Variants in ERC2 observed in about 807,000 individuals in gnomAD.
ERC2 encodes the protein ELKS/RAB6-interacting/CAST family member 2, also known as ERC protein 2.
Under a neutral mutation model 114.8 loss-of-function variants are expected in ERC2, and 42 were observed. The observed-to-expected ratio is 0.37, with a 90% CI of 0.29 to 0.47. ERC2 has a LOEUF of 0.47. Ranked by LOEUF, ERC2 falls within the 20% of genes least tolerant of loss-of-function variation. The probability of loss-of-function intolerance (pLI) is 0.99; values close to 1 mark genes in which losing one functional copy is unlikely to be tolerated. For missense variants in ERC2, 939 were observed against 1,150.7 expected, an observed-to-expected ratio of 0.82 and a Z score of 2.66; for synonymous variants, 454 against 425.5, an observed-to-expected ratio of 1.07 and a Z score of -0.82.
chr3:56,140,625 T>C (rs972080166), intron 5 of ERC2, among the ~76,000 whole-genome samples: 10 of 152,240 alleles, frequency 6.6e-5, no homozygotes, highest in African/African-American at 2.2e-4. Flanking sequence ...TAAAAAATGC[T>C]ATTCTGAACA....
intron 13 of ERC2, among the ~76,000 whole-genome samples, chr3:55,908,371 T>C (rs993670580): frequency 2.0e-5 from 3 of 152,000 alleles, no homozygotes; most frequent in Non-Finnish European, 4.4e-5. Context: ...CAAGCAGGGT[T>C]GGTGGAAAGA....
intron 15 of ERC2, among the ~76,000 whole-genome samples, chr3:55,711,439 A>G (rs2063773014): frequency 6.6e-6 from 1 of 152,196 alleles, no homozygotes; most frequent in Non-Finnish European, 1.5e-5. Flanking sequence ...ACAGACACAC[A>G]TACTTACCCT....
chr3:56,229,250 T>C (rs953991144), intron 3 of ERC2, among the ~76,000 whole-genome samples: 1 of 152,188 alleles, frequency 6.6e-6, no homozygotes, highest in Non-Finnish European at 1.5e-5. Flanking sequence ...TTATCAACAG[T>C]TCCCCCATGG....
At chr3:56,032,929 AAG>A (rs1491294892) in intron 7 of ERC2, among the ~76,000 whole-genome samples, 28 of 93,260 alleles carry the variant, frequency 3.0e-4, no homozygotes, top group Non-Finnish European at 4.7e-4. Flanking sequence ...GAAAGAAAGA[AAG>A]AAAGAAAGAA....
intron 14 of ERC2, among the ~76,000 whole-genome samples, chr3:55,851,559 T>C (rs1455584446): frequency 6.6e-6 from 1 of 152,210 alleles, no homozygotes; most frequent in Non-Finnish European, 1.5e-5. Context: ...CCCATTATCA[T>C]TATGTGAGGC....
At chr3:56,053,435 T>C (rs1160893492) in intron 7 of ERC2, among the ~76,000 whole-genome samples, 1 of 152,134 alleles carries the variant, frequency 6.6e-6, no homozygotes, top group Non-Finnish European at 1.5e-5. Context: ...TATTTACATC[T>C]CAAAGGACAG....
intron 3 of ERC2, among the ~76,000 whole-genome samples, chr3:56,275,299 A>G (rs952376366): frequency 9.2e-5 from 14 of 152,216 alleles, no homozygotes; most frequent in African/African-American, 3.1e-4. Flanking sequence ...CATCACCACT[A>G]GCACCAGTGA....
intron 3 of ERC2, among the ~76,000 whole-genome samples, chr3:56,268,337 G>A (rs76871669): frequency 0.011 from 1,628 of 152,174 alleles, 26 homozygotes; most frequent in African/African-American, 0.037. Flanking sequence ...CAATGTTCAC[G>A]CAATGTCAAA....
intron 1 of ERC2, among the ~76,000 whole-genome samples, chr3:56,436,417 A>G (rs568660410): frequency 6.6e-6 from 1 of 152,334 alleles, no homozygotes; most frequent in Non-Finnish European, 1.5e-5. Context: ...CAATGAGATA[A>G]GTACATTAAT....
At chr3:56,264,276 C>T (rs1215653034) in intron 3 of ERC2, among the ~76,000 whole-genome samples, 3 of 152,110 alleles carry the variant, frequency 2.0e-5, no homozygotes, top group Non-Finnish European at 4.4e-5. Flanking sequence ...CCACATCTAT[C>T]AACGTAATAT....
chr3:55,597,034 A>T (rs1438900679), intron 17 of ERC2, among the ~76,000 whole-genome samples: 5 of 152,294 alleles, frequency 3.3e-5, no homozygotes, highest in Non-Finnish European at 5.9e-5. Context: ...AAATATTTAT[A>T]AAAAAATTGA....
At chr3:56,204,475 G>GATTTTATTTTATTTT (rs2048589192) in intron 3 of ERC2, among the ~76,000 whole-genome samples, 1 of 33,692 alleles carries the variant, frequency 3.0e-5, no homozygotes, top group Non-Finnish European at 8.1e-5. Context: ...TTAATTAGAT[G>GATTTTATTTTATTTT]CTTTTATTTT....
At chr3:56,326,523 T>C (rs1393205430) in intron 2 of ERC2, among the ~76,000 whole-genome samples, 1 of 152,324 alleles carries the variant, frequency 6.6e-6, no homozygotes, top group East Asian at 1.9e-4. Flanking sequence ...TCTAAAGCTG[T>C]TCTCCAGAAC....
chr3:56,382,457 T>A (rs568397599), intron 2 of ERC2, among the ~76,000 whole-genome samples: 1 of 152,114 alleles, frequency 6.6e-6, no homozygotes, highest in East Asian at 1.9e-4. Flanking sequence ...AGAATCAAAC[T>A]TTCCCCCCAC....
At chr3:55,877,708 T>A (rs2062928059) in intron 14 of ERC2, among the ~76,000 whole-genome samples, 2 of 152,004 alleles carry the variant, frequency 1.3e-5, no homozygotes, top group African/African-American at 4.8e-5. Flanking sequence ...AGACAGGGTT[T>A]TGCCATATTG....
At chr3:55,605,067 T>C (rs556022774) in intron 17 of ERC2, among the ~76,000 whole-genome samples, 32 of 152,318 alleles carry the variant, frequency 2.1e-4, no homozygotes, top group Admixed American at 9.8e-4. Flanking sequence ...TTAAATCTGT[T>C]TGCAGAATAA....
rs554882718 is a variant in ERC2 at position 56,406,776 on chromosome 3, T to C, written c.657+27575A>G. Among the ~76,000 whole-genome samples, 7 of 152,150 alleles carry C rather than the reference T, an allele frequency of 4.6e-5. No individual in the cohort carries two copies. In the South Asian group the frequency reaches 1.5e-3, roughly 32 times the overall value. On this transcript the variant is annotated intron_variant, in intron 2 of 17. Coordinates refer to ENST00000288221, the MANE Select transcript of ERC2 (RefSeq NM_015576.3). ...AGAGAGGGAAAAAAATCAAACTCAA[T>C]CTCAATAAATGCAAAAACTCTTAAT...
intron 17 of ERC2, among the ~76,000 whole-genome samples, chr3:55,635,829 G>A (rs1007633029): frequency 1.3e-5 from 2 of 152,152 alleles, no homozygotes; most frequent in East Asian, 1.9e-4. Context: ...AATAGCAATC[G>A]TTCCCATCAG....
intron 13 of ERC2, among the ~76,000 whole-genome samples, chr3:55,931,753 T>TA (rs569291676): frequency 8.3e-4 from 121 of 145,714 alleles, no homozygotes; most frequent in Non-Finnish European, 1.2e-3. Context: ...AAGTATAATT[T>TA]AAAAAAAAAA....
Sources: allele counts gnomAD v4.1 joint callset (sites outside exome capture counted in the v4.1 genomes callset), GRCh38; gene constraint gnomAD v4.1.1; transcripts MANE v1.5; gene names NCBI Gene and HGNC (gene_info 2026-07-23, HGNC 2026-07-21).